LRP1B: variants seen among roughly 807,000 people sequenced by gnomAD.
The protein encoded by LRP1B is low-density lipoprotein receptor-related protein 1B.
Under a neutral mutation model 556.6 loss-of-function variants are expected in LRP1B, and 217 were observed. The observed-to-expected ratio is 0.39, with a 90% CI of 0.35 to 0.44. LRP1B has a LOEUF of 0.44. LRP1B is among the 20% of genes least tolerant of loss of function. The pLI, the probability that LRP1B is intolerant of heterozygous loss-of-function variation, is 1.00. For synonymous variants in LRP1B, 2,047 were observed against 1,865.8 expected (o/e 1.10, Z -2.50); for missense variants, 5,053 against 5,620.8 (o/e 0.90, Z 3.23).
intron 14 of LRP1B, among the ~76,000 whole-genome samples, chr2:141,008,172 C>A (rs1697634179): frequency 6.6e-6 from 1 of 150,892 alleles, no homozygotes; most frequent in Non-Finnish European, 1.5e-5. Flanking sequence ...ATTTTTATAC[C>A]TATATATCAA....
chr2:140,947,414 C>A (rs1003335417), intron 20 of LRP1B, among the ~76,000 whole-genome samples: 2 of 152,118 alleles, frequency 1.3e-5, no homozygotes, highest in Admixed American at 1.3e-4. Flanking sequence ...AAGTGCTGAG[C>A]AATTATATGG....
intron 2 of LRP1B, among the ~76,000 whole-genome samples, chr2:141,544,389 TCCTC>T (rs1574065149): frequency 3.7e-4 from 34 of 92,152 alleles, no homozygotes; most frequent in Admixed American, 8.0e-4. Flanking sequence ...CTTCTCCTCC[TCCTC>T]CTCCTCCTCC....
At chr2:140,747,377 C>T (rs75968536) in intron 35 of LRP1B, among the ~76,000 whole-genome samples, 66 of 152,256 alleles carry the variant, frequency 4.3e-4, no homozygotes, top group East Asian at 2.3e-3. Flanking sequence ...CTCCAGCATG[C>T]GGATTCAATG....
intron 2 of LRP1B, among the ~76,000 whole-genome samples, chr2:141,753,640 A>G (rs1400344579): frequency 6.6e-6 from 1 of 151,982 alleles, no homozygotes. Flanking sequence ...AGCCTGATTC[A>G]CATTTTTATA....
intron 1 of LRP1B, among the ~76,000 whole-genome samples, chr2:142,040,922 C>A (rs563103089): frequency 2.0e-5 from 3 of 151,102 alleles, no homozygotes; most frequent in Admixed American, 6.6e-5. Context: ...AGACTTAAGT[C>A]CAAAGATTTT....
At chr2:141,120,580 T>C (rs1701023371) in intron 7 of LRP1B, among the ~76,000 whole-genome samples, 1 of 152,034 alleles carries the variant, frequency 6.6e-6, no homozygotes, top group South Asian at 2.1e-4. Flanking sequence ...CTATCTGATA[T>C]AAATAAGGTA....
intron 32 of LRP1B, among the ~76,000 whole-genome samples, chr2:140,805,606 T>G (rs1690685752): frequency 1.3e-5 from 2 of 152,234 alleles, no homozygotes; most frequent in Admixed American, 1.3e-4. Flanking sequence ...TGAACTTTTT[T>G]ATTTGTAATT....
At position 140,444,442 on chromosome 2, in the gene LRP1B, A is replaced by T. The variant is rs1298057336; in HGVS notation, c.10182T>A (p.His3394Gln). The T allele has an allele frequency of 1.2e-6, 2 of 1,613,994 alleles. No individual in the cohort carries two copies. Among genetic ancestry groups the T allele is most frequent in the Non-Finnish European group, 1.7e-6 (2 of 1,179,912 alleles). ...DNSDELNCDT[H>Q]VCLSGQFKCT... is the part of the protein sequence containing the mutation. ...ATTTGAATTGACCTGACAGGCAGAC[A>T]TGTGTGTCTAGAACATAGAAGGAGA... Residue 3394 changes from histidine (H) to glutamine (Q), a missense_variant, in exon 65 of 91, where the codon CAT (histidine) becomes CAA (glutamine). Around this residue, in one of 5 missense-constraint regions of LRP1B, gnomAD observed 262 missense variants for 395.1 expected, o/e 0.66. Transcript: ENST00000389484.
chr2:142,048,002 G>A (rs1178754268), intron 1 of LRP1B, among the ~76,000 whole-genome samples: 2 of 151,894 alleles, frequency 1.3e-5, no homozygotes, highest in Non-Finnish European at 2.9e-5. Context: ...AAGTATGAGC[G>A]TATTACCGTC....
intron 27 of LRP1B, among the ~76,000 whole-genome samples, chr2:140,859,477 C>A (rs1203506134): frequency 6.6e-6 from 1 of 151,930 alleles, no homozygotes; most frequent in African/African-American, 2.4e-5. Flanking sequence ...TTTCTATAGA[C>A]ATATTTTTCT....
intron 1 of LRP1B, among the ~76,000 whole-genome samples, chr2:142,051,230 G>A (rs1704444914): frequency 6.6e-6 from 1 of 152,026 alleles, no homozygotes; most frequent in Non-Finnish European, 1.5e-5. Flanking sequence ...TCACGTAGGA[G>A]GTTGCTGGAA....
At chr2:140,950,147 T>G (rs1695670241) in intron 20 of LRP1B, 88 bp downstream of exon 20, 1 of 1,017,488 alleles carries the variant, frequency 9.8e-7, no homozygotes, top group Non-Finnish European at 1.4e-6. Flanking sequence ...GCAATTTCTT[T>G]TTATACAATA....
At chr2:140,973,002 T>G (rs895393936) in intron 18 of LRP1B, among the ~76,000 whole-genome samples, 11 of 147,574 alleles carry the variant, frequency 7.5e-5, no homozygotes, top group African/African-American at 2.7e-4. Flanking sequence ...TTTACATATG[T>G]AACATGTTTA....
intron 1 of LRP1B, among the ~76,000 whole-genome samples, chr2:141,834,121 T>C (rs954192675): frequency 6.6e-6 from 1 of 151,926 alleles, no homozygotes; most frequent in Admixed American, 6.6e-5. Context: ...ACACTGATGG[T>C]ACTGTTATGT....
At chr2:140,246,338 C>G (rs1186142267) in intron 87 of LRP1B, among the ~76,000 whole-genome samples, 2 of 151,324 alleles carry the variant, frequency 1.3e-5, no homozygotes, top group African/African-American at 2.4e-5. Context: ...ACAAATTTTT[C>G]AAAGGTTTTT....
At chr2:140,813,261 T>C (rs976180432) in intron 32 of LRP1B, among the ~76,000 whole-genome samples, 1 of 152,204 alleles carries the variant, frequency 6.6e-6, no homozygotes, top group African/African-American at 2.4e-5. Context: ...TGTTGTCTTG[T>C]CTTTTGAATT....
chr2:140,510,132 A>G (rs2104918283), intron 51 of LRP1B, 76 bp from the exon 52 acceptor site: 1 of 1,492,728 alleles, frequency 6.7e-7, no homozygotes, highest in East Asian at 2.3e-5. Flanking sequence ...CATTTTCTAC[A>G]GTAAGGGGGG....
chr2:141,064,074 C>T (rs1041823982), intron 7 of LRP1B, among the ~76,000 whole-genome samples: 12 of 151,776 alleles, frequency 7.9e-5, no homozygotes, highest in Non-Finnish European at 1.5e-4. Flanking sequence ...AAAAAAGAGG[C>T]GTCTCAAGAC....
At chr2:141,265,847 AT>A (rs760301812) in intron 3 of LRP1B, among the ~76,000 whole-genome samples, 2 of 152,198 alleles carry the variant, frequency 1.3e-5, no homozygotes, top group Non-Finnish European at 2.9e-5. Context: ...AAATACAGCT[AT>A]CTGTTAAAAA....
Sources: allele counts gnomAD v4.1 joint callset (sites outside exome capture counted in the v4.1 genomes callset), GRCh38; gene constraint gnomAD v4.1.1; regional missense constraint gnomAD v4.1.1; transcripts MANE v1.5; gene names NCBI Gene and HGNC (gene_info 2026-07-23, HGNC 2026-07-21).